The following PKIB variants were observed in gnomAD, a reference collection of about 807,000 sequenced individuals.
The protein encoded by PKIB is cAMP-dependent protein kinase inhibitor beta.
PKIB carries 2 observed loss-of-function variants against 4.5 expected under a neutral mutation model. That is an observed-to-expected ratio of 0.44 (90% confidence interval 0.18 to 1.39). The LOEUF is 1.39. PKIB is among the 40% of genes most tolerant of loss of function. PKIB has a pLI of 0.27. For synonymous variants in PKIB, 38 were observed against 36.0 expected, an observed-to-expected ratio of 1.06 and a Z score of -0.20; for missense variants, 94 against 92.6, an observed-to-expected ratio of 1.02 and a Z score of -0.06.
rs1772829826 is a variant in PKIB at position 122,556,100 on chromosome 6, G to A, written c.-247-29821G>A. 4.6e-5 allele frequency among the ~76,000 whole-genome samples: 7 copies of A among 152,104 alleles called. 1 individual carries two copies. The South Asian group carries it at 1.0e-3, about 23-fold the overall frequency. On this transcript the variant is annotated intron_variant, in intron 2 of 6. Coordinates refer to the PKIB transcript ENST00000392491. Reference sequence around the variant, plus strand: ...CTTGTGGGAGGTGATTAGATGATGGGGCAGTTCCTCCATGCTCTTCTCATG... The same window carrying A: ...CTTGTGGGAGGTGATTAGATGATGGAGCAGTTCCTCCATGCTCTTCTCATG...
intron 2 of PKIB, among the ~76,000 whole-genome samples, chr6:122,664,307 A>G (rs1223433538): frequency 1.8e-4 from 28 of 152,238 alleles, no homozygotes; most frequent in Admixed American, 1.8e-3. Context: ...TAGGAAGTAT[A>G]AATTCAGCTA....
chr6:122,477,554 A>G (rs1036015147), intron 1 of PKIB, among the ~76,000 whole-genome samples: 1 of 152,162 alleles, frequency 6.6e-6, no homozygotes, highest in South Asian at 2.1e-4. Context: ...ATATTCCATT[A>G]TGTTATTTTA....
At chr6:122,686,656 C>A (rs1778104104) in intron 3 of PKIB, among the ~76,000 whole-genome samples, 1 of 151,916 alleles carries the variant, frequency 6.6e-6, no homozygotes, top group African/African-American at 2.4e-5. Flanking sequence ...GTCACCATGT[C>A]CAGATAACTT....
chr6:122,506,640 T>G (rs1776407170), intron 2 of PKIB, among the ~76,000 whole-genome samples: 1 of 152,042 alleles, frequency 6.6e-6, no homozygotes, highest in African/African-American at 2.4e-5. Context: ...AGGAGACCAA[T>G]TAATGACGAT....
intron 2 of PKIB, among the ~76,000 whole-genome samples, chr6:122,569,856 C>T (rs1425710355): frequency 6.6e-6 from 1 of 152,164 alleles, no homozygotes; most frequent in East Asian, 1.9e-4. Flanking sequence ...GATCTTTCCA[C>T]TAATGGGAAG....
intron 2 of PKIB, among the ~76,000 whole-genome samples, chr6:122,548,969 C>G: frequency 6.6e-6 from 1 of 152,218 alleles, no homozygotes; most frequent in East Asian, 1.9e-4. Flanking sequence ...TTCAAAAGCA[C>G]TGTGGGGTTC....
At chr6:122,549,750 C>T (rs1047067127) in intron 2 of PKIB, among the ~76,000 whole-genome samples, 4 of 150,884 alleles carry the variant, frequency 2.7e-5, no homozygotes, top group East Asian at 1.9e-4. Context: ...CAGTTCTCTT[C>T]GCTAGAGGCA....
chr6:122,647,883 G>T (rs2262332), intron 2 of PKIB, among the ~76,000 whole-genome samples: 10 of 152,058 alleles, frequency 6.6e-5, no homozygotes, highest in Non-Finnish European at 1.3e-4. Flanking sequence ...TTAGCCTGGC[G>T]GCGTGACCCA....
intron 2 of PKIB, among the ~76,000 whole-genome samples, chr6:122,553,648 A>G (rs561550163): frequency 1.3e-5 from 2 of 151,934 alleles, no homozygotes; most frequent in Non-Finnish European, 2.9e-5. Context: ...CAGATCTTTC[A>G]TGCTGACCTT....
intron 2 of PKIB, among the ~76,000 whole-genome samples, chr6:122,547,265 A>C (rs988856997): frequency 5.3e-5 from 8 of 151,534 alleles, no homozygotes; most frequent in Non-Finnish European, 1.2e-4. Context: ...AGATAGCTGA[A>C]AGAATACTTG....
At chr6:122,615,708 A>G (rs1774953387) in intron 1 of PKIB, among the ~76,000 whole-genome samples, 1 of 152,188 alleles carries the variant, frequency 6.6e-6, no homozygotes, top group African/African-American at 2.4e-5. Context: ...AAGAAGAGGC[A>G]AGAGACACAA....
intron 2 of PKIB, among the ~76,000 whole-genome samples, chr6:122,538,941 C>A (rs2114631784): frequency 6.6e-6 from 1 of 152,098 alleles, no homozygotes; most frequent in Non-Finnish European, 1.5e-5. Context: ...CTCTTTGAAG[C>A]AATTGTGAAT....
At chr6:122,511,651 A>G (rs1369073528) in intron 2 of PKIB, among the ~76,000 whole-genome samples, 2 of 152,200 alleles carry the variant, frequency 1.3e-5, no homozygotes, top group African/African-American at 2.4e-5. Flanking sequence ...GGCCACTTGT[A>G]AAATGGAGGC....
chr6:122,529,517 C>T (rs376802870), intron 2 of PKIB, among the ~76,000 whole-genome samples: 76 of 152,188 alleles, frequency 5.0e-4, no homozygotes, highest in African/African-American at 1.7e-3. Flanking sequence ...TACGAGAGTA[C>T]CTTATATTTT....
intron 1 of PKIB, among the ~76,000 whole-genome samples, chr6:122,615,957 G>C (rs1016187539): frequency 4.6e-5 from 7 of 152,178 alleles, no homozygotes; most frequent in African/African-American, 1.7e-4. Flanking sequence ...CACTCAGTTT[G>C]TGGTAATTTG....
chr6:122,570,550 A>G lies in PKIB; in HGVS notation c.-247-15371A>G, dbSNP rs190135274. 1.5e-3 allele frequency among the ~76,000 whole-genome samples: 232 copies of G among 152,318 alleles called. 1 individual carries two copies. The highest frequency in any genetic ancestry group is 5.3e-3 in the African/African-American group (222 of 41,578). On this transcript the variant is annotated intron_variant, in intron 2 of 6. Transcript: ENST00000392491. ...TTGCCATTCCAACCCCATATGAGAC[A>G]GTGAACTTGCCCACACACCATGAAC...
intron 2 of PKIB, among the ~76,000 whole-genome samples, chr6:122,559,963 G>A (rs560620699): frequency 6.6e-6 from 1 of 152,174 alleles, no homozygotes; most frequent in African/African-American, 2.4e-5. Flanking sequence ...GGGTTTTCAA[G>A]GTAAACAATC....
At chr6:122,679,373 G>A (rs1406998138) in intron 3 of PKIB, among the ~76,000 whole-genome samples, 1 of 152,178 alleles carries the variant, frequency 6.6e-6, no homozygotes, top group African/African-American at 2.4e-5. Flanking sequence ...TAAAGGTCAT[G>A]TTAAGAAATT....
At chr6:122,548,319 G>T (rs1772569507) in intron 2 of PKIB, among the ~76,000 whole-genome samples, 1 of 152,236 alleles carries the variant, frequency 6.6e-6, no homozygotes, top group South Asian at 2.1e-4. Flanking sequence ...TTAAGCAAGT[G>T]TATAGACTAT....
Sources: allele counts gnomAD v4.1 joint callset (sites outside exome capture counted in the v4.1 genomes callset), GRCh38; gene constraint gnomAD v4.1.1; transcripts MANE v1.5; gene names NCBI Gene and HGNC (gene_info 2026-07-23, HGNC 2026-07-21).